Variants in IL12RB2 observed in about 807,000 individuals in gnomAD.
IL12RB2 encodes interleukin-12 receptor subunit beta-2.
In IL12RB2, 82 loss-of-function variants were observed where a neutral mutation model predicts 89.4. That is an observed-to-expected ratio of 0.92 (90% CI 0.77 to 1.10). The LOEUF (loss-of-function observed/expected upper bound fraction) is 1.10, where lower values mean the gene tolerates loss of function less well. IL12RB2 is among the 50% of genes least tolerant of loss of function. IL12RB2 has a pLI of 0.00. For missense variants in IL12RB2, 963 were observed against 1,031.9 expected, an observed-to-expected ratio of 0.93 and a Z score of 0.92; for synonymous variants, 368 against 370.1, an observed-to-expected ratio of 0.99 and a Z score of 0.07.
At chr1:67,354,199 A>T (rs564877804) in intron 10 of IL12RB2, among the ~76,000 whole-genome samples, 1 of 152,208 alleles carries the variant, frequency 6.6e-6, no homozygotes, top group South Asian at 2.1e-4. Flanking sequence ...AGGCCAGGAG[A>T]GCTGGTGGCA....
chr1:67,341,557 A>AAG (rs748918387), intron 9 of IL12RB2, among the ~76,000 whole-genome samples: 8,630 of 142,564 alleles, frequency 0.061, 310 homozygotes, highest in Middle Eastern at 0.082. Flanking sequence ...GAAAGAAAGA[A>AAG]AGAAAGAAAG....
chr1:67,349,936 A>C (rs1398322542), intron 9 of IL12RB2, among the ~76,000 whole-genome samples: 1 of 152,252 alleles, frequency 6.6e-6, no homozygotes, highest in African/African-American at 2.4e-5. Context: ...CCTGACAGAT[A>C]ATCGACAGAG....
At chr1:67,330,632 G>A (rs569953390) in intron 7 of IL12RB2, 28 bp from the exon 8 acceptor site, 2 of 1,113,890 alleles carry the variant, frequency 1.8e-6, no homozygotes, top group South Asian at 2.5e-5. Context: ...AGTATTAATA[G>A]GCACTTTAAA....
intron 8 of IL12RB2, among the ~76,000 whole-genome samples, chr1:67,336,669 A>C (rs1658806891): frequency 6.6e-6 from 1 of 152,248 alleles, no homozygotes; most frequent in Non-Finnish European, 1.5e-5. Context: ...AGGAGAGGAT[A>C]GAACAAAAAG....
chr1:67,331,957 A>T (rs1196529367), intron 8 of IL12RB2, among the ~76,000 whole-genome samples: 1 of 152,202 alleles, frequency 6.6e-6, no homozygotes, highest in East Asian at 1.9e-4. Flanking sequence ...ATTGTTCATT[A>T]TCTGGAGCTT....
At chr1:67,390,199 G>A in intron 16 of IL12RB2, 71 bp downstream of exon 16, 1 of 830,792 alleles carries the variant, frequency 1.2e-6, no homozygotes, top group Non-Finnish European at 2.1e-6. Flanking sequence ...TTCCATTGTA[G>A]TTACGAGGAA....
intron 13 of IL12RB2, among the ~76,000 whole-genome samples, chr1:67,377,585 C>T (rs1664112708): frequency 6.6e-6 from 1 of 152,134 alleles, no homozygotes; most frequent in Non-Finnish European, 1.5e-5. Flanking sequence ...CAGAAAAATG[C>T]ATAATTGACC....
chr1:67,385,400 T>G (rs1206680087), intron 14 of IL12RB2, among the ~76,000 whole-genome samples: 1 of 152,166 alleles, frequency 6.6e-6, no homozygotes, highest in Non-Finnish European at 1.5e-5. Context: ...CCCCCATGAT[T>G]CAATTACCTC....
At chr1:67,392,787 C>T (rs558463029) in intron 16 of IL12RB2, among the ~76,000 whole-genome samples, 3 of 151,988 alleles carry the variant, frequency 2.0e-5, no homozygotes, top group African/African-American at 7.2e-5. Flanking sequence ...CACGCTGCCA[C>T]GCCTGGCTAA....
chr1:67,366,556 A>T (rs1035527355), intron 10 of IL12RB2, among the ~76,000 whole-genome samples: 28 of 152,172 alleles, frequency 1.8e-4, no homozygotes, highest in Non-Finnish European at 4.0e-4. Flanking sequence ...TTAGAAAATC[A>T]GAAAATACTA....
chr1:67,396,371 G>T lies in IL12RB2; in HGVS notation c.*282G>T. ...TCCTAGTAACTTTCTTGGTATGCTG[G>T]CCAGAAAGGGAAATGAGGAGGAGAG... On this transcript the variant is annotated 3_prime_UTR_variant, in exon 17 of 17. Transcript: ENST00000674203. The T allele has an allele frequency of 1.9e-6, 1 of 528,006 alleles. No homozygotes were observed. Among genetic ancestry groups the T allele is most frequent in the Non-Finnish European group, 3.4e-6 (1 of 290,378 alleles). The allele number at this position is 528,006 out of a possible 1,614,324, so 32.7% of individuals were successfully genotyped here. A position where few individuals can be genotyped will look rare whatever the true frequency, so the allele number is the denominator to read the frequency against.
At chr1:67,360,786 A>G (rs923701628) in intron 10 of IL12RB2, among the ~76,000 whole-genome samples, 12 of 146,478 alleles carry the variant, frequency 8.2e-5, no homozygotes, top group African/African-American at 3.1e-4. Context: ...ACAGAGGAAA[A>G]CTCCGTCTCA....
At chr1:67,340,030 A>G (rs563390169) in intron 9 of IL12RB2, among the ~76,000 whole-genome samples, 1 of 152,352 alleles carries the variant, frequency 6.6e-6, no homozygotes, top group African/African-American at 2.4e-5. Flanking sequence ...GCACAAAACC[A>G]GAAGAGTAAG....
intron 14 of IL12RB2, among the ~76,000 whole-genome samples, chr1:67,385,147 A>G (rs1317436076): frequency 6.6e-6 from 1 of 152,248 alleles, no homozygotes; most frequent in Non-Finnish European, 1.5e-5. Flanking sequence ...TGCTGCTATA[A>G]GGACATATCT....
chr1:67,325,382 C>T (rs548594700), intron 4 of IL12RB2, among the ~76,000 whole-genome samples: 1 of 151,204 alleles, frequency 6.6e-6, no homozygotes, highest in South Asian at 2.1e-4. Context: ...CACGCCTCAG[C>T]CTCCTCAGTA....
At chr1:67,342,419 T>C (rs1194570651) in intron 9 of IL12RB2, among the ~76,000 whole-genome samples, 1 of 152,106 alleles carries the variant, frequency 6.6e-6, no homozygotes, top group Non-Finnish European at 1.5e-5. Flanking sequence ...TTTTGTAGGA[T>C]GTTTACAATA....
At chr1:67,388,976 G>T (rs933254976) in intron 15 of IL12RB2, among the ~76,000 whole-genome samples, 3 of 152,036 alleles carry the variant, frequency 2.0e-5, no homozygotes, top group Non-Finnish European at 2.9e-5. Flanking sequence ...TTCAAAAGGA[G>T]TCAACTAGGA....
intron 5 of IL12RB2, among the ~76,000 whole-genome samples, chr1:67,327,893 G>A (rs764264958): frequency 6.6e-6 from 1 of 152,210 alleles, no homozygotes; most frequent in Non-Finnish European, 1.5e-5. Flanking sequence ...TTAGGATAAT[G>A]TTTGGAACTG....
intron 14 of IL12RB2, among the ~76,000 whole-genome samples, chr1:67,382,372 G>C (rs1331345672): frequency 6.6e-6 from 1 of 152,160 alleles, no homozygotes; most frequent in East Asian, 1.9e-4. Context: ...CTCCCAGCCT[G>C]TTTTTCATTC....
Sources: gnomAD v4.1 joint callset for allele counts (sites outside exome capture counted in the v4.1 genomes callset) on GRCh38, gnomAD v4.1.1 for gene constraint, MANE v1.5 for transcripts, NCBI Gene and HGNC (gene_info 2026-07-23, HGNC 2026-07-21) for gene names.